NOXA1: variants seen among roughly 807,000 people sequenced by gnomAD.
The protein encoded by NOXA1 is NADPH oxidase activator 1.
Under a neutral mutation model 64.8 loss-of-function variants are expected in NOXA1, and 56 were observed. The observed-to-expected ratio is 0.86, with a 90% CI of 0.70 to 1.08. The LOEUF (loss-of-function observed/expected upper bound fraction) is 1.08, where lower values mean the gene tolerates loss of function less well. Among genes scored for constraint, NOXA1 ranks in the 50% least tolerant of loss-of-function variants. NOXA1 has a pLI of 0.00. For synonymous variants in NOXA1, 295 were observed against 294.8 expected, an observed-to-expected ratio of 1.00 and a Z score of -0.01; for missense variants, 668 against 658.5, an observed-to-expected ratio of 1.01 and a Z score of -0.16.
chr9:137,428,053 A>T lies in NOXA1; in HGVS notation c.281A>T (p.Asp94Val), dbSNP rs756933341. The change falls in exon 3 of 14, where the codon GAC becomes GTC. Residue 94 changes from aspartate to valine, a missense_variant. Physicochemically the swap from Asp to Val is radical, Grantham distance 152 (BLOSUM62 -3). Coordinates refer to ENST00000683555, the MANE Select transcript of NOXA1 (RefSeq NM_001256067.2). ...CACAGGTTCCAGGAGGCTCTGTCTG[A>T]CTTCTGGCTGGCCCTGGAGCAGCTG... ...QLARFQEALS[D>V]FWLALEQLRG... 1.1e-5 allele frequency: 17 copies of T among 1,581,388 alleles called. No homozygotes were observed. Among genetic ancestry groups the T allele is most frequent in the Non-Finnish European group, 1.5e-5 (17 of 1,164,944 alleles).
At position 137,434,144 on chromosome 9, in the gene NOXA1, C is replaced by T. The variant is rs1405680252; in HGVS notation, c.1294+65C>T. 1.6e-5 allele frequency: 26 copies of T among 1,580,514 alleles called. No individual in the cohort carries two copies. In the East Asian group the frequency reaches 1.8e-4, roughly 11 times the overall value. On this transcript the variant is annotated intron_variant, in intron 13 of 13. Transcript: ENST00000683555. ...CCCGGGGTGTGGGGGGCTTAGAGCT[C>T]GGCCTGTGCTGTGAGCAGACGTGGC...
At chr9:137,430,240 CAG>C (rs1839048642) in intron 5 of NOXA1, among the ~76,000 whole-genome samples, 3 of 152,152 alleles carry the variant, frequency 2.0e-5, no homozygotes, top group Admixed American at 1.3e-4. Context: ...ACACTTGGGT[CAG>C]AGCCAGGCAA....
In NOXA1 at chr9:137,428,065, C is replaced by T. The variant is rs775067101; in HGVS notation, c.293C>T (p.Ala98Val). ...FQEALSDFWL[A>V]LEQLRGHAAI... ...GAGGCTCTGTCTGACTTCTGGCTGG[C>T]CCTGGAGCAGCTGAGGGGCCACGCT... Residue 98 changes from alanine to valine, a missense_variant, in exon 3 of 14, where the codon GCC becomes GTC. Ala to Val is a moderately conservative substitution (Grantham distance 64). Coordinates refer to ENST00000683555, the MANE Select transcript of NOXA1 (RefSeq NM_001256067.2). 2 of 1,584,412 alleles carry T rather than the reference C, an allele frequency of 1.3e-6. No homozygotes were observed. The highest frequency in any genetic ancestry group is 1.7e-6 in the Non-Finnish European group (2 of 1,166,680).
intron 2 of NOXA1, among the ~76,000 whole-genome samples, chr9:137,427,467 G>T (rs1838887438): frequency 6.6e-6 from 1 of 152,260 alleles, no homozygotes; most frequent in South Asian, 2.1e-4. Flanking sequence ...CTTTCAGAAA[G>T]GCAGATGAAC....
At chr9:137,430,025 G>C (rs1479652763) in intron 5 of NOXA1, among the ~76,000 whole-genome samples, 3 of 107,096 alleles carry the variant, frequency 2.8e-5, no homozygotes, top group African/African-American at 7.8e-5. Context: ...CGGGGGGGGT[G>C]CCTGTGTCTC....
chr9:137,432,514 A>G (rs1839152753), intron 8 of NOXA1, among the ~76,000 whole-genome samples: 1 of 152,140 alleles, frequency 6.6e-6, no homozygotes, highest in Admixed American at 6.5e-5. Flanking sequence ...CAGGAGGCGG[A>G]GCTTATAGTG....
rs761634451 is a variant in NOXA1, at chr9:137,434,388, A to G, written c.*28A>G. 6.5e-6 allele frequency: 10 copies of G among 1,540,906 alleles called. No homozygotes were observed. Among genetic ancestry groups the G allele is most frequent in the Non-Finnish European group, 8.7e-6 (10 of 1,143,660 alleles). On this transcript the variant is annotated 3_prime_UTR_variant, in exon 14 of 14. Coordinates refer to ENST00000683555, the MANE Select transcript of NOXA1 (RefSeq NM_001256067.2). ...ATGCTGTGTCCATGATGCTTTTAATAAAAACAACCCCCACTGCAGTCTCAC... is the reference window on the plus strand; with the variant it reads ...ATGCTGTGTCCATGATGCTTTTAATGAAAACAACCCCCACTGCAGTCTCAC...
intron 10 of NOXA1, 90 bp downstream of exon 10, chr9:137,433,353 CT>C: frequency 6.7e-7 from 1 of 1,490,140 alleles, no homozygotes. Context: ...GCAAGCCCCC[CT>C]CACCTGCCCA....
At position 137,431,195 on chromosome 9, in the gene NOXA1, G is replaced by A. The variant is rs1236371977; in HGVS notation, c.699-41G>A. 3.7e-6 allele frequency: 6 copies of A among 1,609,360 alleles called. No individual in the cohort carries two copies. The highest frequency in any genetic ancestry group is 3.4e-6 in the Non-Finnish European group (4 of 1,177,306). On this transcript the variant is annotated intron_variant, in intron 7 of 13. Coordinates refer to ENST00000683555, the MANE Select transcript of NOXA1 (RefSeq NM_001256067.2). This position sits in a 1 kb window ranked among gnomAD's most constrained non-coding sequence, Gnocchi z 5.6. ...CACGCGGGCCGGGCACAGGAGGGCA[G>A]TCAGATGGGCAGGGCCTGAGAGCCT...
chr9:137,427,335 C>T (rs760999652), intron 2 of NOXA1, among the ~76,000 whole-genome samples: 2 of 152,134 alleles, frequency 1.3e-5, no homozygotes, highest in Non-Finnish European at 2.9e-5. Flanking sequence ...GTGCACCTGG[C>T]TTTATAACTG....
In NOXA1 at chr9:137,423,596, TG is replaced by T; in HGVS notation, c.70del (p.Ala24ProfsTer42). ...LGAQAVDRGD[W>X]ARALHLFSGV... ...CGCGCAGGCTGTGGATCGTGGGGAC[TG>T]GGCCCGCGCCTTGCACCTCTTCTCG... On this transcript the variant is annotated frameshift_variant, in exon 1 of 14. Transcript: ENST00000683555. LOFTEE classifies it high-confidence loss of function. 1 of 1,478,900 alleles carries T rather than the reference TG, an allele frequency of 6.8e-7. No homozygotes were observed. The highest frequency in any genetic ancestry group is 9.0e-7 in the Non-Finnish European group (1 of 1,115,548). 91.6% of individuals were successfully genotyped at this position (1,478,900 alleles called of 1,614,324 possible). A position where few individuals can be genotyped will look rare whatever the true frequency, so the allele number is the denominator to read the frequency against.
rs376242985 is a variant in NOXA1, at chr9:137,431,323, G to A, written c.786G>A (p.Ser262=). 48 of 1,609,920 alleles carry A rather than the reference G, an allele frequency of 3.0e-5. No homozygotes were observed. Among genetic ancestry groups the A allele is most frequent in the Admixed American group, 5.0e-5 (3 of 59,998 alleles). The change falls in exon 8 of 14, where the codon TCG becomes TCA. Residue 262 remains serine, a synonymous_variant. Transcript: ENST00000683555. The surrounding 1 kb of genome is among the most constrained non-coding windows in gnomAD (Gnocchi z 5.6). ...ETEVGADRCT[S]TAYQEQRPQV... Reference sequence around the variant, plus strand: ...AGGTCGGTGCTGACCGCTGCACGTCGACTGCCTACCAGGAGCAGGTGCGTG... The same window carrying A: ...AGGTCGGTGCTGACCGCTGCACGTCAACTGCCTACCAGGAGCAGGTGCGTG...
At position 137,431,274 on chromosome 9, in the gene NOXA1, A is replaced by AGGGCCCC; in HGVS notation, c.738_744dup (p.Leu249GlyfsTer12). 1.2e-6 allele frequency: 2 copies of AGGGCCCC among 1,612,782 alleles called. No homozygotes were observed. Among genetic ancestry groups the AGGGCCCC allele is most frequent in the Non-Finnish European group, 1.7e-6 (2 of 1,179,926 alleles). Reference sequence around the variant, plus strand: ...GACTCCCCAAGAGCTGGCACCCACCAGGGCCCCCTCGATGCAGAGACAGAG... The same window carrying AGGGCCCC: ...GACTCCCCAAGAGCTGGCACCCACCAGGGCCCCGGGCCCCCTCGATGCAGAGACAGAG... On this transcript the variant is annotated frameshift_variant, in exon 8 of 14. Transcript: ENST00000683555. LOFTEE classifies it high-confidence loss of function. The surrounding 1 kb of genome is among the most constrained non-coding windows in gnomAD (Gnocchi z 5.6).
intron 8 of NOXA1, among the ~76,000 whole-genome samples, chr9:137,432,315 C>G (rs539971319): frequency 2.0e-5 from 3 of 148,114 alleles, no homozygotes; most frequent in African/African-American, 7.4e-5. Flanking sequence ...CGAAGTGGCT[C>G]ACGCCTGTAA....
chr9:137,429,500 G>A (rs1838997508), intron 5 of NOXA1, 117 bp downstream of exon 5: 5 of 724,250 alleles, frequency 6.9e-6, no homozygotes, highest in Non-Finnish European at 1.1e-5. Flanking sequence ...AGGGTAGAGA[G>A]TGGGCCCACA....
rs756331723 is a variant in NOXA1 at position 137,426,285 on chromosome 9, C to T, written c.215C>T (p.Ala72Val). ...DQAVTKDTCM[A>V]VGFFQRGVAN... ...GCCGTGACCAAGGACACCTGCATGGCGGTTGGCTTCTTCCAGCGAGGAGTG... is the reference window on the plus strand; with the variant it reads ...GCCGTGACCAAGGACACCTGCATGGTGGTTGGCTTCTTCCAGCGAGGAGTG... The change falls in exon 2 of 14, where the codon GCG becomes GTG. Residue 72 changes from alanine to valine, a missense_variant. Transcript: ENST00000683555. The T allele has an allele frequency of 2.5e-6, 4 of 1,613,666 alleles. No homozygotes were observed. Among genetic ancestry groups the T allele is most frequent in the East Asian group, 4.5e-5 (2 of 44,904 alleles).
In NOXA1 at chr9:137,429,280, G is replaced by C; in HGVS notation, c.509G>C (p.Arg170Pro). 1.3e-6 allele frequency: 2 copies of C among 1,553,798 alleles called. No homozygotes were observed. Among genetic ancestry groups the C allele is most frequent in the Non-Finnish European group, 1.7e-6 (2 of 1,148,336 alleles). Reference protein sequence around the residue: ...LDSALDQVQRRGSLPPRQVPR... With the variant: ...LDSALDQVQRPGSLPPRQVPR... ...CTGGATACCCACCCCCTCCAGAGAC[G>C]GGGCTCACTGCCGCCACGGCAGGTC... The change falls in exon 5 of 14, where the codon CGG (arginine) becomes CCG (proline). Residue 170 changes from arginine to proline, a missense_variant. Arg to Pro is a moderately radical substitution (Grantham distance 103). Coordinates refer to ENST00000683555, the MANE Select transcript of NOXA1 (RefSeq NM_001256067.2).
At chr9:137,428,644 A>T (rs1001694961) in intron 3 of NOXA1, among the ~76,000 whole-genome samples, 9 of 148,040 alleles carry the variant, frequency 6.1e-5, no homozygotes, top group Non-Finnish European at 1.2e-4. Context: ...CAGGACACAG[A>T]ACGGTGCAGG....
chr9:137,426,888 C>T (rs1332488099), intron 2 of NOXA1, among the ~76,000 whole-genome samples: 1 of 152,200 alleles, frequency 6.6e-6, no homozygotes, highest in Non-Finnish European at 1.5e-5. Context: ...CCTCCGCCTC[C>T]TGGGTTCAAG....
Sources: gnomAD v4.1 joint callset for allele counts (sites outside exome capture counted in the v4.1 genomes callset) on GRCh38, gnomAD v4.1.1 for gene constraint, Gnocchi (gnomAD v3.1) non-coding constraint, MANE v1.5 for transcripts, NCBI Gene and HGNC (gene_info 2026-07-23, HGNC 2026-07-21) for gene names.